Variants in NLRP3 observed in about 807,000 individuals in gnomAD.
The protein encoded by NLRP3 is NLR family pyrin domain containing 3.
Under a neutral mutation model 91.3 loss-of-function variants are expected in NLRP3, and 48 were observed. The observed-to-expected ratio is 0.53, with a 90% CI of 0.42 to 0.67. The LOEUF (loss-of-function observed/expected upper bound fraction) is 0.67. Ranked by LOEUF, NLRP3 falls within the 30% of genes least tolerant of loss-of-function variation. The pLI, the probability that NLRP3 is intolerant of heterozygous loss-of-function variation, is 0.00. For missense variants in NLRP3, 982 were observed against 1,276.9 expected (o/e 0.77, Z 3.52); for synonymous variants, 561 against 507.9 (o/e 1.10, Z -1.41).
chr1:247,440,755 G>C (rs944129721), intron 7 of NLRP3, among the ~76,000 whole-genome samples: 2 of 152,116 alleles, frequency 1.3e-5, no homozygotes, highest in African/African-American at 4.8e-5. Flanking sequence ...GGGACTATAG[G>C]TGGACATCAC....
At chr1:247,441,435 T>C (rs1228943217) in intron 7 of NLRP3, among the ~76,000 whole-genome samples, 1 of 152,072 alleles carries the variant, frequency 6.6e-6, no homozygotes, top group African/African-American at 2.4e-5. Context: ...ATTTTTTATG[T>C]AGAGACAGGG....
Position 247,424,163 on chromosome 1 carries a change from G to T in NLRP3, c.714G>T (p.Met238Ile). ...AAACAATCCTGGCCAGGAAGATGAT[G>T]TTGGACTGGGCGTCGGGGACACTCT... is the stretch of plus-strand genomic sequence containing the variant. ...IGKTILARKMMLDWASGTLYQ... is the reference protein window; with the variant it reads ...IGKTILARKMILDWASGTLYQ... The change falls in exon 4 of 10, where the codon ATG becomes ATT. Residue 238 changes from methionine to isoleucine, a missense_variant. Physicochemically the swap from Met to Ile is conservative, Grantham distance 10. This residue lies in a region of NLRP3 where 548 missense variants were observed against 713.7 expected (regional missense o/e 0.77). Transcript: ENST00000336119. This position sits in a 1 kb window ranked among gnomAD's most constrained non-coding sequence, Gnocchi z 8.1. The T allele has an allele frequency of 6.2e-7, 1 of 1,614,120 alleles. No homozygotes were observed.
intron 7 of NLRP3, among the ~76,000 whole-genome samples, chr1:247,441,119 TTTTCTTTTTCTCTTTC>T (rs1366060431): frequency 1.2e-4 from 11 of 88,942 alleles, no homozygotes; most frequent in South Asian, 7.9e-4. Context: ...CTTTCTCTCT[TTTTCTTTTTCTCTTTC>T]TTTCTTTCTT....
At chr1:247,430,186 T>A (rs1172912237) in intron 5 of NLRP3, among the ~76,000 whole-genome samples, 1 of 152,080 alleles carries the variant, frequency 6.6e-6, no homozygotes, top group African/African-American at 2.4e-5. Flanking sequence ...GGTGGTGTGG[T>A]TTCTGCTGTA....
Position 247,444,766 on chromosome 1 carries a change from G to A in NLRP3, c.2950G>A (p.Val984Ile). Residue 984 changes from valine (V) to isoleucine (I), a missense_variant, in exon 9 of 10, where the codon GTC (valine) becomes ATC (isoleucine). This residue lies in a region of NLRP3 where 373 missense variants were observed against 431.5 expected (regional missense o/e 0.86). Coordinates refer to ENST00000336119, the MANE Select transcript of NLRP3 (RefSeq NM_001243133.2). ...CAACAATGACCTGGGCGACCTGGGG[G>A]TCATGATGTTCTGTGAAGTGCTGAA... Reference protein sequence around the residue: ...LGNNDLGDLGVMMFCEVLKQQ... With the variant: ...LGNNDLGDLGIMMFCEVLKQQ... 2 of 1,614,136 alleles carry A rather than the reference G, an allele frequency of 1.2e-6. No homozygotes were observed. The highest frequency in any genetic ancestry group is 1.7e-6 in the Non-Finnish European group (2 of 1,180,032).
rs1385960949 is a variant in NLRP3, at chr1:247,444,639, C to T, written c.2835-12C>T. 8 of 1,613,840 alleles carry T rather than the reference C, an allele frequency of 5.0e-6. No individual in the cohort carries two copies. In the East Asian group the frequency reaches 8.9e-5, roughly 18 times the overall value. ...AAGGGGACATTTTCTTTAAATCACC[C>T]CCTTTTTGCAGATTAGACAACTGCA... On this transcript the variant is annotated splice_polypyrimidine_tract_variant and intron_variant, in intron 8 of 9. Transcript: ENST00000336119.
chr1:247,419,152 A>T, intron 2 of NLRP3, 75 bp downstream of exon 2: 1 of 934,926 alleles, frequency 1.1e-6, no homozygotes, highest in Middle Eastern at 3.6e-4. Flanking sequence ...CTTTATATAT[A>T]TATATATATA....
chr1:247,430,773 CTTT>C (rs34058758), intron 5 of NLRP3, among the ~76,000 whole-genome samples: 1 of 147,352 alleles, frequency 6.8e-6, no homozygotes, highest in Non-Finnish European at 1.5e-5. Flanking sequence ...TATGAAAATA[CTTT>C]TTTTTTTTTT....
chr1:247,445,349 T>C (rs59882373), intron 9 of NLRP3, among the ~76,000 whole-genome samples: 27,486 of 151,788 alleles, frequency 0.18, 2,903 homozygotes, highest in African/African-American at 0.3. Flanking sequence ...CACAGGCGCC[T>C]GCCACCACAC....
At chr1:247,448,365 T>A in intron 9 of NLRP3, 40 bp from the exon 10 acceptor site, 2 of 1,069,988 alleles carry the variant, frequency 1.9e-6, no homozygotes, top group Non-Finnish European at 2.9e-6. Context: ...GACAGAGTTA[T>A]CTGAAGAGTG....
rs145112948 is a variant in NLRP3, at chr1:247,424,085, G to A, written c.636G>A (p.Glu212=). 3.7e-6 allele frequency: 6 copies of A among 1,613,980 alleles called. No homozygotes were observed. In the African/African-American group the frequency reaches 6.7e-5, roughly 18 times the overall value. Residue 212 remains glutamate (E), a synonymous_variant, in exon 4 of 10, where the codon GAG becomes GAA. Transcript: ENST00000336119. The surrounding 1 kb of genome is among the most constrained non-coding windows in gnomAD (Gnocchi z 8.1). Reference sequence around the variant, plus strand: ...AGTTGCTGTTTGACCCCGATGATGAGCATTCTGAGCCTGTGCACACCGTGG... The same window carrying A: ...AGTTGCTGTTTGACCCCGATGATGAACATTCTGAGCCTGTGCACACCGTGG... ...KMELLFDPDD[E]HSEPVHTVVF...
chr1:247,439,563 T>A (rs1664059893), intron 7 of NLRP3, among the ~76,000 whole-genome samples: 2 of 152,208 alleles, frequency 1.3e-5, no homozygotes, highest in Admixed American at 1.3e-4. Context: ...ATGTTAGATT[T>A]GTAACGACCT....
chr1:247,423,916 T>C lies in NLRP3; in HGVS notation c.467T>C (p.Leu156Pro). The change falls in exon 4 of 10, where the codon CTG becomes CCG. Residue 156 changes from leucine (L) to proline (P), a missense_variant. Physicochemically the swap from Leu to Pro is moderately conservative, Grantham distance 98. Around this residue, in one of 5 missense-constraint regions of NLRP3, gnomAD observed 548 missense variants for 713.7 expected, o/e 0.77. Coordinates refer to ENST00000336119, the MANE Select transcript of NLRP3 (RefSeq NM_001243133.2). ...TGCATTGAAGACAGGAATGCCCGTC[T>C]GGGTGAGAGTGTGAGCCTCAACAAA... ...FQCIEDRNAR[L>P]GESVSLNKRY... 6.2e-7 allele frequency: 1 copy of C among 1,614,096 alleles called. No homozygotes were observed. The highest frequency in any genetic ancestry group is 8.5e-7 in the Non-Finnish European group (1 of 1,180,014).
At chr1:247,438,721 T>C (rs1262352188) in intron 7 of NLRP3, among the ~76,000 whole-genome samples, 2 of 152,210 alleles carry the variant, frequency 1.3e-5, no homozygotes, top group Admixed American at 1.3e-4. Context: ...TAAATATTTC[T>C]AAACTCCCTG....
intron 2 of NLRP3, among the ~76,000 whole-genome samples, chr1:247,422,587 G>A (rs1222794685): frequency 6.6e-6 from 1 of 152,088 alleles, no homozygotes; most frequent in Non-Finnish European, 1.5e-5. Flanking sequence ...GGAGCTTTTA[G>A]TATGTGATGG....
At chr1:247,435,246 A>G (rs748453276) in intron 6 of NLRP3, among the ~76,000 whole-genome samples, 1 of 152,160 alleles carries the variant, frequency 6.6e-6, no homozygotes, top group Non-Finnish European at 1.5e-5. Context: ...GAAGCATTAA[A>G]AAAAACAGAA....
At chr1:247,444,892 T>C in intron 9 of NLRP3, 71 bp downstream of exon 9, 1 of 1,518,698 alleles carries the variant, frequency 6.6e-7, no homozygotes, top group Non-Finnish European at 9.1e-7. Context: ...GTTATCAAAA[T>C]CCAGGATGGC....
Position 247,418,717 on chromosome 1 carries a change from A to G in NLRP3, c.-84A>G. On this transcript the variant is annotated 5_prime_UTR_variant, in exon 2 of 10. Transcript: ENST00000336119. ...TCTCTCAAAGTGGAGACTTTAAAAA[A>G]GACTCATCCGTGTGCCGTGTTCACT... is the stretch of plus-strand genomic sequence containing the variant. 3 of 1,528,318 alleles carry G rather than the reference A, an allele frequency of 2.0e-6. No individual in the cohort carries two copies. The highest frequency in any genetic ancestry group is 4.5e-5 in the East Asian group (2 of 44,438). 94.7% of individuals were successfully genotyped at this position (1,528,318 alleles called of 1,614,324 possible). A position where few individuals can be genotyped will look rare whatever the true frequency, so the allele number is the denominator to read the frequency against.
At chr1:247,442,903 A>G (rs2103225396) in intron 7 of NLRP3, among the ~76,000 whole-genome samples, 1 of 152,172 alleles carries the variant, frequency 6.6e-6, no homozygotes, top group Middle Eastern at 3.4e-3. Flanking sequence ...GGCCTGGGTG[A>G]CTGAGCAAGA....
Sources: gnomAD v4.1 joint callset for allele counts (sites outside exome capture counted in the v4.1 genomes callset) on GRCh38, gnomAD v4.1.1 for gene constraint, gnomAD v4.1.1 regional missense constraint, Gnocchi (gnomAD v3.1) non-coding constraint, MANE v1.5 for transcripts, NCBI Gene and HGNC (gene_info 2026-07-23, HGNC 2026-07-21) for gene names.